SDHAF3: variants seen among roughly 807,000 people sequenced by gnomAD.
The protein encoded by SDHAF3 is succinate dehydrogenase complex assembly factor 3, also known as succinate dehydrogenase assembly factor 3, mitochondrial.
In SDHAF3, 18 loss-of-function variants were observed where a neutral mutation model predicts 11.5. That is an observed-to-expected ratio of 1.56 (90% CI 1.08 to 2.32). The LOEUF (loss-of-function observed/expected upper bound fraction) is 2.32. SDHAF3 is among the 30% of genes most tolerant of loss of function. The pLI is 0.00. For missense variants in SDHAF3, 200 were observed against 154.4 expected, an observed-to-expected ratio of 1.30 and a Z score of -1.57; for synonymous variants, 72 against 59.3, an observed-to-expected ratio of 1.21 and a Z score of -0.99.
chr7:97,178,533 G>A (rs1404347525), intron 1 of SDHAF3, among the ~76,000 whole-genome samples: 1 of 151,854 alleles, frequency 6.6e-6, no homozygotes. Flanking sequence ...ATTTTTCTGG[G>A]GTTTAAAAAA....
chr7:97,146,122 C>A (rs1034090150), intron 1 of SDHAF3, among the ~76,000 whole-genome samples: 6 of 150,556 alleles, frequency 4.0e-5, no homozygotes, highest in African/African-American at 4.9e-5. Flanking sequence ...TTCCCCCCCC[C>A]ACTTTTGAAC....
At chr7:97,129,049 A>G (rs1791625731) in intron 1 of SDHAF3, among the ~76,000 whole-genome samples, 1 of 152,168 alleles carries the variant, frequency 6.6e-6, no homozygotes, top group African/African-American at 2.4e-5. Context: ...AAGGGCTTAT[A>G]ATAAAAAGCA....
At chr7:97,156,716 C>T (rs1255538893) in intron 1 of SDHAF3, among the ~76,000 whole-genome samples, 1 of 151,980 alleles carries the variant, frequency 6.6e-6, no homozygotes, top group Non-Finnish European at 1.5e-5. Flanking sequence ...TTCTACATGT[C>T]CTAGACTGTA....
At chr7:97,147,073 G>GTT (rs957567781) in intron 1 of SDHAF3, among the ~76,000 whole-genome samples, 3 of 152,052 alleles carry the variant, frequency 2.0e-5, no homozygotes, top group African/African-American at 7.2e-5. Context: ...ATTTAGATTA[G>GTT]TTTTCTCTGA....
intron 1 of SDHAF3, among the ~76,000 whole-genome samples, chr7:97,130,811 A>T (rs1791658505): frequency 6.6e-6 from 1 of 152,166 alleles, no homozygotes; most frequent in African/African-American, 2.4e-5. Context: ...CTGAAGGGGG[A>T]TAGTCTCCAC....
At chr7:97,154,110 G>C (rs563288712) in intron 1 of SDHAF3, among the ~76,000 whole-genome samples, 16 of 152,120 alleles carry the variant, frequency 1.1e-4, no homozygotes, top group African/African-American at 3.4e-4. Context: ...TTGCAGGCAG[G>C]GGGTGGATCT....
intron 1 of SDHAF3, among the ~76,000 whole-genome samples, chr7:97,169,058 G>A (rs1160093590): frequency 6.6e-6 from 1 of 152,188 alleles, no homozygotes; most frequent in Non-Finnish European, 1.5e-5. Context: ...AGGGCTGGGT[G>A]CGGTGGCTCA....
At chr7:97,163,298 T>G (rs1217102015) in intron 1 of SDHAF3, among the ~76,000 whole-genome samples, 1 of 150,982 alleles carries the variant, frequency 6.6e-6, no homozygotes, top group Non-Finnish European at 1.5e-5. Flanking sequence ...CCCGCCACCA[T>G]GCCCAGCTAA....
intron 1 of SDHAF3, among the ~76,000 whole-genome samples, chr7:97,122,990 AATTTT>A (rs541455844): frequency 2.3e-3 from 349 of 151,892 alleles, no homozygotes; most frequent in African/African-American, 7.9e-3. Context: ...TACTTTTTAA[AATTTT>A]ATTTTAAGTT....
intron 1 of SDHAF3, among the ~76,000 whole-genome samples, chr7:97,170,493 T>C (rs1457536564): frequency 2.6e-5 from 4 of 152,208 alleles, no homozygotes; most frequent in Non-Finnish European, 5.9e-5. Context: ...AATGTGCTTA[T>C]TTTCTGTGCT....
At chr7:97,128,645 AATT>A (rs1447561576) in intron 1 of SDHAF3, among the ~76,000 whole-genome samples, 1 of 152,204 alleles carries the variant, frequency 6.6e-6, no homozygotes, top group Non-Finnish European at 1.5e-5. Context: ...AGGTGATAAA[AATT>A]ATATATGCAT....
chr7:97,148,839 T>C (rs1789173915), intron 1 of SDHAF3, among the ~76,000 whole-genome samples: 1 of 152,142 alleles, frequency 6.6e-6, no homozygotes, highest in Non-Finnish European at 1.5e-5. Flanking sequence ...CAGTGTAATA[T>C]GTAAATATAT....
At chr7:97,145,732 G>A (rs1425969089) in intron 1 of SDHAF3, among the ~76,000 whole-genome samples, 7 of 152,116 alleles carry the variant, frequency 4.6e-5, no homozygotes, top group Admixed American at 1.3e-4. Flanking sequence ...TTTCCCTGTC[G>A]CTGTCAAGTG....
intron 1 of SDHAF3, among the ~76,000 whole-genome samples, chr7:97,139,453 T>C (rs1398793018): frequency 6.6e-6 from 1 of 152,038 alleles, no homozygotes; most frequent in Non-Finnish European, 1.5e-5. Context: ...GGCATGACAG[T>C]GTAAAAAAGC....
At chr7:97,177,842 ATACT>A (rs1482257067) in intron 1 of SDHAF3, among the ~76,000 whole-genome samples, 3 of 152,154 alleles carry the variant, frequency 2.0e-5, no homozygotes, top group Non-Finnish European at 4.4e-5. Flanking sequence ...TTTCTTTTAC[ATACT>A]TAACATTTAT....
chr7:97,143,465 T>TC (rs1340938515), intron 1 of SDHAF3, among the ~76,000 whole-genome samples: 3 of 152,028 alleles, frequency 2.0e-5, no homozygotes, highest in Non-Finnish European at 4.4e-5. Flanking sequence ...TCCCACTCTT[T>TC]CCCCCAAGTC....
chr7:97,164,577 G>C (rs1179772452), intron 1 of SDHAF3, among the ~76,000 whole-genome samples: 2 of 151,420 alleles, frequency 1.3e-5, no homozygotes, highest in Non-Finnish European at 2.9e-5. Flanking sequence ...GTTTCTCCAT[G>C]TTGATCAGGC....
chr7:97,153,700 C>T (rs906891226), intron 1 of SDHAF3, among the ~76,000 whole-genome samples: 1 of 152,186 alleles, frequency 6.6e-6, no homozygotes, highest in African/African-American at 2.4e-5. Flanking sequence ...ATATCCTTGC[C>T]AGCGTTTTGG....
chr7:97,147,188 A>G lies in SDHAF3; in HGVS notation c.174+29291A>G, dbSNP rs149843448. Among the ~76,000 whole-genome samples the G allele has an allele frequency of 2.4e-3, 362 of 152,246 alleles. 4 individuals are homozygous for G. The highest frequency in any genetic ancestry group is 0.023 in the South Asian group (110 of 4,826). On this transcript the variant is annotated intron_variant, in intron 1 of 1. Transcript: ENST00000432641. ...TGCTTCAAAATCATAGGCCTTTTCA[A>G]TTTTCTTCTATTTGGGTATGAATAT... is the stretch of plus-strand genomic sequence containing the variant.
Sources: gnomAD v4.1 joint callset for allele counts (sites outside exome capture counted in the v4.1 genomes callset) on GRCh38, gnomAD v4.1.1 for gene constraint, MANE v1.5 for transcripts, NCBI Gene and HGNC (gene_info 2026-07-23, HGNC 2026-07-21) for gene names.